SGCD: variants seen among roughly 807,000 people sequenced by gnomAD.
SGCD encodes delta-sarcoglycan.
SGCD carries 18 observed loss-of-function variants against 36.6 expected under a neutral mutation model. The ratio of observed to expected loss-of-function variants is 0.49; its 90% confidence interval spans 0.34 to 0.73. The LOEUF is 0.73. Ranked by LOEUF, SGCD falls within the 30% of genes least tolerant of loss-of-function variation. The pLI, the probability that SGCD is intolerant of heterozygous loss-of-function variation, is 0.01. For synonymous variants in SGCD, 133 were observed against 130.6 expected, an observed-to-expected ratio of 1.02 and a Z score of -0.12; for missense variants, 387 against 346.7, an observed-to-expected ratio of 1.12 and a Z score of -0.92.
chr5:155,808,765 T>C, the SGCD span, among the ~76,000 whole-genome samples: 1 of 152,150 alleles, frequency 6.6e-6, no homozygotes, highest in African/African-American at 2.4e-5. Flanking sequence ...ACAATGATGA[T>C]GATGATGATA....
chr5:156,112,954 G>A (rs142117960), intron 1 of SGCD, among the ~76,000 whole-genome samples: 66 of 152,250 alleles, frequency 4.3e-4, no homozygotes, highest in African/African-American at 1.6e-3. Flanking sequence ...TTTCTAATGT[G>A]ATTTCAATGA....
At chr5:155,738,966 A>G in the SGCD span, among the ~76,000 whole-genome samples, 1 of 152,068 alleles carries the variant, frequency 6.6e-6, no homozygotes, top group Admixed American at 6.6e-5. Context: ...AGAGAGAAAG[A>G]GAGAAAAAAT....
chr5:156,205,070 T>C (rs1334208040), intron 3 of SGCD, among the ~76,000 whole-genome samples: 1 of 152,108 alleles, frequency 6.6e-6, no homozygotes, highest in Non-Finnish European at 1.5e-5. Context: ...GCATATAGAT[T>C]TTTACTGTGG....
intron 6 of SGCD, among the ~76,000 whole-genome samples, chr5:156,622,514 C>T: frequency 6.7e-6 from 1 of 148,636 alleles, no homozygotes; most frequent in East Asian, 2.0e-4. Context: ...TTCTTCACCC[C>T]TTGCAAGTCT....
chr5:156,217,798 A>AATGT (rs767153585), intron 3 of SGCD, among the ~76,000 whole-genome samples: 1 of 152,126 alleles, frequency 6.6e-6, no homozygotes, highest in African/African-American at 2.4e-5. Context: ...CAAATAAGTG[A>AATGT]ATGTATGTAT....
intron 1 of SGCD, among the ~76,000 whole-genome samples, chr5:155,879,550 T>G (rs962498061): frequency 5.9e-5 from 9 of 152,190 alleles, no homozygotes; most frequent in Non-Finnish European, 1.0e-4. Context: ...GTATTCTTTC[T>G]TGTAACAAGT....
chr5:156,431,178 T>G (rs943368378), intron 3 of SGCD, among the ~76,000 whole-genome samples: 3 of 152,154 alleles, frequency 2.0e-5, no homozygotes, highest in Non-Finnish European at 4.4e-5. Context: ...CTCATTCCTA[T>G]TTTAGTGTTT....
At chr5:155,849,572 G>A in the SGCD span, among the ~76,000 whole-genome samples, 2 of 152,012 alleles carry the variant, frequency 1.3e-5, no homozygotes, top group African/African-American at 2.4e-5. Context: ...TTTCTTTCTC[G>A]TGTAAGTTTT....
chr5:155,850,314 C>T, the SGCD span, among the ~76,000 whole-genome samples: 1 of 152,006 alleles, frequency 6.6e-6, no homozygotes, highest in East Asian at 1.9e-4. Flanking sequence ...CTGAAACCTG[C>T]CTAGCCTCAA....
intron 3 of SGCD, among the ~76,000 whole-genome samples, chr5:156,162,769 A>G (rs899224435): frequency 6.6e-6 from 1 of 151,690 alleles, no homozygotes; most frequent in Non-Finnish European, 1.5e-5. Context: ...ATGCACATCA[A>G]AACACTGGCT....
intron 3 of SGCD, among the ~76,000 whole-genome samples, chr5:156,175,698 GA>G (rs929500854): frequency 6.6e-6 from 1 of 152,126 alleles, no homozygotes; most frequent in African/African-American, 2.4e-5. Context: ...AAGAAAAATG[GA>G]AATATACTCC....
intron 1 of SGCD, among the ~76,000 whole-genome samples, chr5:155,960,006 T>C (rs968573914): frequency 1.3e-5 from 2 of 151,974 alleles, no homozygotes; most frequent in African/African-American, 2.4e-5. Context: ...GAAAAAATGT[T>C]TTTTAGTAGG....
intron 6 of SGCD, among the ~76,000 whole-genome samples, chr5:156,618,704 T>A (rs932049646): frequency 1.3e-5 from 2 of 151,558 alleles, no homozygotes; most frequent in Non-Finnish European, 2.9e-5. Flanking sequence ...AGTGGTTCGG[T>A]TTTCCCCTCG....
At chr5:156,070,670 C>T (rs1347743677) in intron 1 of SGCD, among the ~76,000 whole-genome samples, 1 of 152,230 alleles carries the variant, frequency 6.6e-6, no homozygotes, top group Admixed American at 6.5e-5. Flanking sequence ...AGGATTCCCC[C>T]TTTTTCTATT....
chr5:156,717,041 C>T (rs531544930), intron 7 of SGCD, among the ~76,000 whole-genome samples: 1 of 152,330 alleles, frequency 6.6e-6, no homozygotes, highest in East Asian at 1.9e-4. Context: ...GATTTCTCCT[C>T]ATGTGTGAAA....
intron 4 of SGCD, among the ~76,000 whole-genome samples, chr5:156,550,606 C>A (rs192243869): frequency 6.6e-6 from 1 of 152,326 alleles, no homozygotes; most frequent in Non-Finnish European, 1.5e-5. Context: ...AGGTTTATGA[C>A]TCAATTTTAT....
At chr5:156,226,624 T>C (rs1225568621) in intron 3 of SGCD, among the ~76,000 whole-genome samples, 1 of 152,160 alleles carries the variant, frequency 6.6e-6, no homozygotes, top group Non-Finnish European at 1.5e-5. Flanking sequence ...CTACTTTTAG[T>C]TCTTTAAGGA....
At chr5:155,931,697 T>A (rs928356373) in intron 1 of SGCD, among the ~76,000 whole-genome samples, 1 of 152,242 alleles carries the variant, frequency 6.6e-6, no homozygotes, top group African/African-American at 2.4e-5. Flanking sequence ...TCTGGAAGTA[T>A]GTTAGCTACC....
intron 4 of SGCD, among the ~76,000 whole-genome samples, chr5:156,588,800 C>A (rs1203073208): frequency 6.6e-6 from 1 of 152,206 alleles, no homozygotes; most frequent in Non-Finnish European, 1.5e-5. Context: ...TTTTACAGAA[C>A]CTTCCTGCTC....
Sources: allele counts gnomAD v4.1 joint callset (sites outside exome capture counted in the v4.1 genomes callset), GRCh38; gene constraint gnomAD v4.1.1; transcripts MANE v1.5; gene names NCBI Gene and HGNC (gene_info 2026-07-23, HGNC 2026-07-21).